The following NBEA variants were observed in gnomAD, a reference collection of about 807,000 sequenced individuals.
NBEA encodes the protein neurobeachin.
In NBEA, 44 loss-of-function variants were observed where a neutral mutation model predicts 343.4. The ratio of observed to expected loss-of-function variants is 0.13; its 90% CI spans 0.10 to 0.16. The LOEUF is 0.16. Ranked by LOEUF, NBEA falls within the 10% of genes least tolerant of loss-of-function variation. The pLI is 1.00. For missense variants in NBEA, 2,555 were observed against 3,631.3 expected, an observed-to-expected ratio of 0.70 and a Z score of 7.62; for synonymous variants, 1,175 against 1,238.7, an observed-to-expected ratio of 0.95 and a Z score of 1.08.
chr13:35,142,794 C>T (rs780863885), intron 18 of NBEA, among the ~76,000 whole-genome samples: 23 of 152,012 alleles, frequency 1.5e-4, no homozygotes, highest in African/African-American at 4.6e-4. Context: ...GGATAAATTT[C>T]GGTAAGAATT....
At chr13:35,244,591 A>T (rs529441074) in intron 34 of NBEA, among the ~76,000 whole-genome samples, 1 of 151,934 alleles carries the variant, frequency 6.6e-6, no homozygotes, top group Non-Finnish European at 1.5e-5. Context: ...TGCTTTGGCT[A>T]TGTGGGCTCT....
At chr13:35,099,562 A>G (rs1439282045) in intron 11 of NBEA, among the ~76,000 whole-genome samples, 1 of 152,120 alleles carries the variant, frequency 6.6e-6, no homozygotes, top group Non-Finnish European at 1.5e-5. Flanking sequence ...TTTAGTATAC[A>G]TGAATTTACC....
chr13:35,517,192 C>T (rs976503108), intron 41 of NBEA, among the ~76,000 whole-genome samples: 8 of 152,098 alleles, frequency 5.3e-5, no homozygotes, highest in East Asian at 1.9e-4. Context: ...CCAAGTCCTC[C>T]GCTCCCCTTC....
intron 32 of NBEA, among the ~76,000 whole-genome samples, chr13:35,210,780 A>AT (rs2073719782): frequency 6.6e-6 from 1 of 151,894 alleles, no homozygotes; most frequent in Non-Finnish European, 1.5e-5. Flanking sequence ...TTATCGAAAA[A>AT]TTTTTTCATT....
At chr13:35,535,263 G>T (rs2078479291) in intron 41 of NBEA, among the ~76,000 whole-genome samples, 1 of 152,200 alleles carries the variant, frequency 6.6e-6, no homozygotes, top group Non-Finnish European at 1.5e-5. Context: ...TTCAGTAGGT[G>T]CATTGTGTAG....
At chr13:35,140,988 A>G (rs894306453) in intron 17 of NBEA, among the ~76,000 whole-genome samples, 2 of 152,160 alleles carry the variant, frequency 1.3e-5, no homozygotes, top group African/African-American at 2.4e-5. Flanking sequence ...GAGCATGGAA[A>G]ATGTGCATGA....
chr13:35,008,021 T>C (rs945527600), intron 1 of NBEA, among the ~76,000 whole-genome samples: 3 of 152,204 alleles, frequency 2.0e-5, no homozygotes, highest in South Asian at 4.1e-4. Flanking sequence ...GATACTGTTA[T>C]CTTCCTTGAG....
At chr13:35,663,389 A>G (rs954364720) in intron 55 of NBEA, among the ~76,000 whole-genome samples, 7 of 152,232 alleles carry the variant, frequency 4.6e-5, no homozygotes, top group African/African-American at 1.4e-4. Context: ...GTGCCTGGCT[A>G]ATTTCACTTA....
chr13:35,475,889 C>G, intron 41 of NBEA: 1 of 1,614,098 alleles, frequency 6.2e-7, no homozygotes, highest in Non-Finnish European at 8.5e-7. Flanking sequence ...TTGAACACCC[C>G]CATTTGGTTG....
chr13:35,623,849 C>T (rs1310534228), intron 48 of NBEA, among the ~76,000 whole-genome samples: 1 of 151,996 alleles, frequency 6.6e-6, no homozygotes, highest in Non-Finnish European at 1.5e-5. Flanking sequence ...AAATTTTCAA[C>T]AGATAATGAA....
chr13:35,352,330 TATA>T lies in NBEA; in HGVS notation c.6179+12_6179+14del. ...GGGGAGCAGTTTCTCATAGGTGAGT[TATA>T]ATAAATTCGAGTAAATAATAATTCA... is the stretch of plus-strand genomic sequence containing the variant. On this transcript the variant is annotated splice_region_variant and intron_variant, in intron 38 of 58. Transcript: ENST00000379939. 1 of 1,402,708 alleles carries T rather than the reference TATA, an allele frequency of 7.1e-7. No individual in the cohort carries two copies. The highest frequency in any genetic ancestry group is 1.9e-5 in the South Asian group (1 of 53,942). The allele number at this position is 1,402,708 out of a possible 1,614,324, so 86.9% of individuals were successfully genotyped here. A position where few individuals can be genotyped will look rare whatever the true frequency, so the allele number is the denominator to read the frequency against.
intron 33 of NBEA, among the ~76,000 whole-genome samples, chr13:35,227,944 AC>A (rs1162902027): frequency 2.0e-5 from 3 of 151,866 alleles, no homozygotes; most frequent in Non-Finnish European, 2.9e-5. Flanking sequence ...CATTTAGATG[AC>A]AGGAGAGAAA....
chr13:34,977,017 C>T (rs905010369), intron 1 of NBEA, among the ~76,000 whole-genome samples: 8 of 150,070 alleles, frequency 5.3e-5, no homozygotes, highest in African/African-American at 1.7e-4. Context: ...CTTGGCTCAC[C>T]GTAACGTCTG....
At chr13:35,304,359 A>ATATCTGTGTGTGTGTGACGGAGTCTTG (rs2036749850) in intron 35 of NBEA, among the ~76,000 whole-genome samples, 1 of 139,100 alleles carries the variant, frequency 7.2e-6, no homozygotes, top group Non-Finnish European at 1.6e-5. Flanking sequence ...GTGTGTGTGT[A>ATATCTGTGTGTGTGTGACGGAGTCTTG]TATCTGTGTG....
At chr13:35,163,193 T>A (rs541515589) in intron 23 of NBEA, among the ~76,000 whole-genome samples, 1 of 152,290 alleles carries the variant, frequency 6.6e-6, no homozygotes, top group Non-Finnish European at 1.5e-5. Flanking sequence ...TAATGTAATT[T>A]AAATTTTTTA....
At chr13:35,653,415 C>G (rs1593481474) in intron 53 of NBEA, among the ~76,000 whole-genome samples, 1 of 151,072 alleles carries the variant, frequency 6.6e-6, no homozygotes, top group East Asian at 2.0e-4. Context: ...ACTGCAACCT[C>G]CGCCTCCCAG....
At chr13:35,124,851 G>A (rs1250528373) in intron 17 of NBEA, among the ~76,000 whole-genome samples, 1 of 151,706 alleles carries the variant, frequency 6.6e-6, no homozygotes, top group African/African-American at 2.4e-5. Context: ...ATATGGAACT[G>A]TAAGTACACT....
chr13:35,162,611 C>T (rs1003151928), intron 23 of NBEA, among the ~76,000 whole-genome samples: 2 of 152,006 alleles, frequency 1.3e-5, no homozygotes, highest in Admixed American at 1.3e-4. Context: ...TTCTTCTCCT[C>T]TTTTCTTCTT....
intron 40 of NBEA, among the ~76,000 whole-genome samples, chr13:35,457,077 G>A (rs1030891085): frequency 2.6e-5 from 4 of 151,616 alleles, no homozygotes; most frequent in Middle Eastern, 3.5e-3. Flanking sequence ...AATTTCACAG[G>A]CCCAAACTAA....
Sources: gnomAD v4.1 joint callset for allele counts (sites outside exome capture counted in the v4.1 genomes callset) on GRCh38, gnomAD v4.1.1 for gene constraint, MANE v1.5 for transcripts, NCBI Gene and HGNC (gene_info 2026-07-23, HGNC 2026-07-21) for gene names.